EZR: variants seen among roughly 807,000 people sequenced by gnomAD.
The protein encoded by EZR is cytovillin 2.
EZR carries 40 observed loss-of-function variants against 74.8 expected under a neutral mutation model. The ratio of observed to expected loss-of-function variants is 0.53; its 90% confidence interval spans 0.42 to 0.70. The LOEUF (loss-of-function observed/expected upper bound fraction) is 0.70, where lower values mean the gene tolerates loss of function less well. Ranked by LOEUF, EZR falls within the 30% of genes least tolerant of loss-of-function variation. The pLI, the probability that EZR is intolerant of heterozygous loss-of-function variation, is 0.00. For synonymous variants in EZR, 341 were observed against 283.3 expected (o/e 1.20, Z -2.05); for missense variants, 678 against 755.8 (o/e 0.90, Z 1.21).
At chr6:158,782,089 A>G (rs954230686) in intron 7 of EZR, among the ~76,000 whole-genome samples, 2 of 152,108 alleles carry the variant, frequency 1.3e-5, no homozygotes, top group Admixed American at 1.3e-4. Context: ...TGCTGCATCC[A>G]GCACACTTGG....
At chr6:158,818,829 G>A (rs1777626322) in intron 1 of EZR, among the ~76,000 whole-genome samples, 1 of 148,558 alleles carries the variant, frequency 6.7e-6, no homozygotes, top group Non-Finnish European at 1.5e-5. Flanking sequence ...AGGGGTCAGG[G>A]GAGAGGGGGC....
chr6:158,787,071 C>A (rs759160361), intron 4 of EZR, 37 bp downstream of exon 4: 1 of 1,534,678 alleles, frequency 6.5e-7, no homozygotes, highest in East Asian at 2.3e-5. Context: ...AGACCAACAC[C>A]CAATCCACAG....
intron 2 of EZR, among the ~76,000 whole-genome samples, chr6:158,802,156 TA>T (rs1175820283): frequency 6.6e-6 from 1 of 152,240 alleles, no homozygotes; most frequent in African/African-American, 2.4e-5. Context: ...ATTCATTGGT[TA>T]GTACCTGCCC....
At chr6:158,812,034 C>T (rs375910258) in intron 2 of EZR, among the ~76,000 whole-genome samples, 35 of 135,878 alleles carry the variant, frequency 2.6e-4, no homozygotes, top group African/African-American at 9.4e-4. Context: ...TGTGAGAGAC[C>T]ACTGGGCACT....
intron 2 of EZR, 191 bp downstream of exon 2, chr6:158,817,891 G>A: frequency 2.1e-6 from 1 of 467,248 alleles, no homozygotes; most frequent in South Asian, 4.2e-5. Flanking sequence ...CATCAAAATG[G>A]TGTTTTCCTA....
rs115831117 is a variant in EZR, at chr6:158,796,039, C to G, written c.13-6668G>C. On this transcript the variant is annotated intron_variant, in intron 2 of 13. Transcript: ENST00000367075. ...GTGTGACACAGCCAGTGCCATCGGA[C>G]AGTAGAGGTGTAAGTACCCCCTGAA... is the stretch of plus-strand genomic sequence containing the variant. 2.3e-3 allele frequency among the ~76,000 whole-genome samples: 347 copies of G among 152,294 alleles called. 3 individuals carry two copies. Among genetic ancestry groups the G allele is most frequent in the African/African-American group, 8.1e-3 (337 of 41,564 alleles).
intron 2 of EZR, among the ~76,000 whole-genome samples, chr6:158,798,660 C>CT (rs1777126882): frequency 7.1e-6 from 1 of 141,780 alleles, no homozygotes; most frequent in East Asian, 2.3e-4. Flanking sequence ...GAAAGGGTCT[C>CT]TCGCTCTGTT....
chr6:158,813,933 T>C (rs947594383), intron 2 of EZR, among the ~76,000 whole-genome samples: 1 of 152,168 alleles, frequency 6.6e-6, no homozygotes, highest in Non-Finnish European at 1.5e-5. Context: ...TGTTCCTTGC[T>C]CACTCCCCAT....
intron 8 of EZR, 116 bp from the exon 9 acceptor site, chr6:158,771,523 G>T: frequency 8.8e-7 from 1 of 1,129,984 alleles, no homozygotes; most frequent in Non-Finnish European, 1.2e-6. Flanking sequence ...GCAGAACAGG[G>T]ATGGCAGCAT....
chr6:158,809,778 G>A (rs1296517231), intron 2 of EZR, among the ~76,000 whole-genome samples: 1 of 152,192 alleles, frequency 6.6e-6, no homozygotes, highest in Non-Finnish European at 1.5e-5. Flanking sequence ...TTTCTCTAAA[G>A]AGCCAGCCAG....
At chr6:158,784,531 G>T in intron 6 of EZR, 113 bp downstream of exon 6, 1 of 892,680 alleles carries the variant, frequency 1.1e-6, no homozygotes, top group Non-Finnish European at 1.7e-6. Flanking sequence ...TTCCCTCAAG[G>T]TCTTCACAAG....
chr6:158,799,831 C>T (rs3102992), intron 2 of EZR, among the ~76,000 whole-genome samples: 79,177 of 152,150 alleles, frequency 0.52, 21,612 homozygotes, highest in Non-Finnish European at 0.61. Context: ...TTCTCCCCAT[C>T]ACCAGCCTTT....
chr6:158,790,651 G>C (rs1238336995), intron 2 of EZR, among the ~76,000 whole-genome samples: 1 of 151,884 alleles, frequency 6.6e-6, no homozygotes, highest in African/African-American at 2.4e-5. Flanking sequence ...TCCAGCCTCG[G>C]CTCCGGAGCA....
chr6:158,811,732 G>A (rs1006818575), intron 2 of EZR, among the ~76,000 whole-genome samples: 11 of 152,096 alleles, frequency 7.2e-5, no homozygotes, highest in Admixed American at 2.6e-4. Context: ...GTGTGGTAGT[G>A]TGTGCCTGTG....
chr6:158,801,786 C>T (rs1010378664), intron 2 of EZR, among the ~76,000 whole-genome samples: 18 of 152,208 alleles, frequency 1.2e-4, no homozygotes, highest in Admixed American at 7.9e-4. Context: ...ATTCCTCTAG[C>T]TTTCCTAGGA....
At chr6:158,774,211 G>C (rs918615001) in intron 8 of EZR, among the ~76,000 whole-genome samples, 28 of 152,112 alleles carry the variant, frequency 1.8e-4, no homozygotes, top group Non-Finnish European at 2.2e-4. Context: ...ACTGAGGTGG[G>C]GCAGTGCCTC....
At chr6:158,791,721 T>TTTTTTTTTTTC (rs1791753848) in intron 2 of EZR, among the ~76,000 whole-genome samples, 1 of 142,462 alleles carries the variant, frequency 7.0e-6, no homozygotes, top group Non-Finnish European at 1.5e-5. Flanking sequence ...TTTTTTTTTT[T>TTTTTTTTTTTC]TTTTTGAGAC....
At position 158,783,605 on chromosome 6, in the gene EZR, A is replaced by G; in HGVS notation, c.613T>C (p.Tyr205His). 6.2e-7 allele frequency: 1 copy of G among 1,613,858 alleles called. No homozygotes were observed. The change falls in exon 7 of 14, where the codon TAT (tyrosine) becomes CAT (histidine). Residue 205 changes from tyrosine to histidine, a missense_variant. This residue lies in a region of EZR where 119 missense variants were observed against 182.3 expected (regional missense o/e 0.65). Transcript: ENST00000367075. ...CCTTTCTTGTTTTTTATCTCGAAAT[A>G]GTTGATTCCATACATTTCCAGGTCC... ...AQDLEMYGIN[Y>H]FEIKNKKGTD... is the part of the protein sequence containing the mutation.
chr6:158,803,409 CTG>C (rs1242660073), intron 2 of EZR, among the ~76,000 whole-genome samples: 1 of 150,574 alleles, frequency 6.6e-6, no homozygotes, highest in African/African-American at 2.5e-5. Flanking sequence ...ACCAAAATAT[CTG>C]TGTAGCTCTG....
Sources: allele counts gnomAD v4.1 joint callset (sites outside exome capture counted in the v4.1 genomes callset), GRCh38; gene constraint gnomAD v4.1.1; regional missense constraint gnomAD v4.1.1; transcripts MANE v1.5; gene names NCBI Gene and HGNC (gene_info 2026-07-23, HGNC 2026-07-21).